Variants in DDX4 observed in about 807,000 individuals in gnomAD.
The protein encoded by DDX4 is probable ATP-dependent RNA helicase DDX4.
In DDX4, 25 loss-of-function variants were observed where a neutral mutation model predicts 100.0. The observed-to-expected ratio is 0.25, with a 90% CI of 0.18 to 0.35. DDX4 has a LOEUF of 0.35. Ranked by LOEUF, DDX4 falls within the 10% of genes least tolerant of loss-of-function variation. DDX4 has a pLI of 1.00. For synonymous variants in DDX4, 259 were observed against 275.7 expected, an observed-to-expected ratio of 0.94 and a Z score of 0.60; for missense variants, 635 against 882.4, an observed-to-expected ratio of 0.72 and a Z score of 3.55.
At chr5:55,765,413 A>AAAAAAAAAAATATATATAT (rs1392558099) in intron 6 of DDX4, among the ~76,000 whole-genome samples, 1 of 83,042 alleles carries the variant, frequency 1.2e-5, no homozygotes, top group African/African-American at 5.8e-5. Flanking sequence ...AAAAAAAAAA[A>AAAAAAAAAAATATATATAT]ATATATATAT....
rs62361893 is a variant in DDX4 at position 55,768,215 on chromosome 5, A to G, written c.394+275A>G. On this transcript the variant is annotated intron_variant, in intron 7 of 21. Coordinates refer to ENST00000505374, the MANE Select transcript of DDX4 (RefSeq NM_024415.3). ...CATGCCATGGGGTTTTGGTGTACAG[A>G]TTATTTTGTCACCCAGATAATAAGC... 69,282 of 392,522 alleles carry G rather than the reference A, an allele frequency of 0.18. 6,893 individuals carry two copies. The highest frequency in any genetic ancestry group is 0.31 in the Admixed American group (8,400 of 27,296). The allele number at this position is 392,522 out of a possible 1,614,324, so 24.3% of individuals were successfully genotyped here. A position where few individuals can be genotyped will look rare whatever the true frequency, so the allele number is the denominator to read the frequency against.
chr5:55,763,202 A>G lies in DDX4; in HGVS notation c.233A>G (p.Asn78Ser). 1 of 1,612,542 alleles carries G rather than the reference A, an allele frequency of 6.2e-7. No homozygotes were observed. Among genetic ancestry groups the G allele is most frequent in the Non-Finnish European group, 8.5e-7 (1 of 1,178,806 alleles). The change falls in exon 5 of 22, where the codon AAT becomes AGT. Residue 78 changes from asparagine to serine, a missense_variant. Physicochemically the swap from Asn to Ser is conservative, Grantham distance 46. Around this residue, in one of 4 missense-constraint regions of DDX4, gnomAD observed 446 missense variants for 540.8 expected, o/e 0.82. Coordinates refer to ENST00000505374, the MANE Select transcript of DDX4 (RefSeq NM_024415.3). ...GCTGGTGAGTGTAATAAGCGAGATA[A>G]TACATCCACAATGGGTGGTTTTGGA... is the stretch of plus-strand genomic sequence containing the variant. ...RDAGECNKRD[N>S]TSTMGGFGVG...
At chr5:55,789,791 A>AGGCC (rs1742445708) in intron 15 of DDX4, among the ~76,000 whole-genome samples, 1 of 152,194 alleles carries the variant, frequency 6.6e-6, no homozygotes, top group Admixed American at 6.5e-5. Flanking sequence ...CACACTCATG[A>AGGCC]GGCCAGCCTT....
At chr5:55,795,736 C>G (rs1381496192) in intron 17 of DDX4, among the ~76,000 whole-genome samples, 1 of 152,162 alleles carries the variant, frequency 6.6e-6, no homozygotes, top group African/African-American at 2.4e-5. Flanking sequence ...TTGTGTGCCC[C>G]TGTACTCTGG....
chr5:55,813,926 G>A (rs928419145), intron 19 of DDX4, among the ~76,000 whole-genome samples, 154 bp downstream of exon 19: 1 of 152,056 alleles, frequency 6.6e-6, no homozygotes, highest in Non-Finnish European at 1.5e-5. Context: ...TGAGGAAAAG[G>A]ATAATACCCA....
At chr5:55,745,375 T>C (rs984195804) in intron 2 of DDX4, among the ~76,000 whole-genome samples, 3 of 152,216 alleles carry the variant, frequency 2.0e-5, no homozygotes, top group Admixed American at 1.3e-4. Context: ...AGTGTTGATT[T>C]ATTCATGTAT....
intron 10 of DDX4, among the ~76,000 whole-genome samples, chr5:55,782,986 G>T (rs1455552299): frequency 6.6e-6 from 1 of 151,474 alleles, no homozygotes; most frequent in Admixed American, 6.6e-5. Context: ...GTAGAGATGG[G>T]GTTTCACCTT....
intron 18 of DDX4, among the ~76,000 whole-genome samples, chr5:55,812,467 G>A (rs1005267293): frequency 3.3e-5 from 5 of 152,196 alleles, no homozygotes; most frequent in Non-Finnish European, 5.9e-5. Flanking sequence ...AGGAGGCTGA[G>A]GCAGGAGAAT....
rs553582967 is a variant in DDX4 at position 55,769,678 on chromosome 5, T to C, written c.394+1738T>C. Among the ~76,000 whole-genome samples, 41 of 152,152 alleles carry C rather than the reference T, an allele frequency of 2.7e-4. 1 individual carries two copies. Among genetic ancestry groups the C allele is most frequent in the African/African-American group, 9.6e-4 (40 of 41,524 alleles). ...GAAAAAAACAATTTTAAAATTCATA[T>C]GGAACCAAAAAAGAGCATGAATAGG... On this transcript the variant is annotated intron_variant, in intron 7 of 21. Coordinates refer to ENST00000505374, the MANE Select transcript of DDX4 (RefSeq NM_024415.3).
chr5:55,747,170 C>G lies in DDX4; in HGVS notation c.127+949C>G, dbSNP rs180741481. Among the ~76,000 whole-genome samples the G allele has an allele frequency of 2.2e-3, 330 of 152,228 alleles. 1 individual carries two copies. The highest frequency in any genetic ancestry group is 6.0e-3 in the African/African-American group (249 of 41,538). On this transcript the variant is annotated intron_variant, in intron 3 of 21. Coordinates refer to ENST00000505374, the MANE Select transcript of DDX4 (RefSeq NM_024415.3). ...GGCTGAGGCAGGTGAATCACAAGGT[C>G]AAGAGATTGAGACCATCCTGACCAA...
chr5:55,811,490 T>C (rs139592840), intron 18 of DDX4, among the ~76,000 whole-genome samples: 7 of 152,242 alleles, frequency 4.6e-5, no homozygotes, highest in African/African-American at 1.4e-4. Flanking sequence ...ATGGTAAATA[T>C]CAAAACACAC....
chr5:55,792,836 A>G, intron 17 of DDX4, 29 bp downstream of exon 17: 1 of 1,209,144 alleles, frequency 8.3e-7, no homozygotes, highest in Non-Finnish European at 1.1e-6. Flanking sequence ...AAATAATTTA[A>G]TTATATATAT....
At chr5:55,807,193 C>G (rs561894453) in intron 18 of DDX4, among the ~76,000 whole-genome samples, 5 of 152,262 alleles carry the variant, frequency 3.3e-5, no homozygotes, top group African/African-American at 1.2e-4. Context: ...TCCTCCATCC[C>G]TTTATTTTGA....
chr5:55,782,164 C>T (rs775550064), intron 10 of DDX4, 183 bp downstream of exon 10: 2 of 611,846 alleles, frequency 3.3e-6, no homozygotes, highest in African/African-American at 1.8e-5. Context: ...TCCTTAATAC[C>T]CTCCAGGTTA....
intron 7 of DDX4, among the ~76,000 whole-genome samples, chr5:55,779,594 ATATTC>A (rs1461625414): frequency 7.9e-5 from 12 of 152,196 alleles, no homozygotes; most frequent in African/African-American, 2.9e-4. Flanking sequence ...GATGTTTACT[ATATTC>A]TATATGGAGC....
At chr5:55,748,588 C>T (rs919527390) in intron 3 of DDX4, among the ~76,000 whole-genome samples, 5 of 151,910 alleles carry the variant, frequency 3.3e-5, no homozygotes, top group African/African-American at 1.2e-4. Flanking sequence ...TATTGATTGC[C>T]TGCTTACCTT....
At position 55,796,823 on chromosome 5, in the gene DDX4, C is replaced by CTTTTTTTTTTTTTTTTTTTTTT. The variant is rs3990072; in HGVS notation, c.1470-1590_1470-1569dup. 2.3e-3 allele frequency among the ~76,000 whole-genome samples: 135 copies of CTTTTTTTTTTTTTTTTTTTTTT among 59,946 alleles called. 21 individuals carry two copies. The highest frequency in any genetic ancestry group is 3.0e-3 in the Non-Finnish European group (92 of 30,916). The allele number at this position is 59,946 out of a possible 152,430, so 39.3% of individuals were successfully genotyped here. A position where few individuals can be genotyped will look rare whatever the true frequency, so the allele number is the denominator to read the frequency against. ...TTTTCTTTTCTTTTTTTCTTTCTTT[C>CTTTTTTTTTTTTTTTTTTTTTT]TTTTTTTTTTTTTTTTTTTTTTTTT... On this transcript the variant is annotated intron_variant, in intron 17 of 21. Coordinates refer to ENST00000505374, the MANE Select transcript of DDX4 (RefSeq NM_024415.3).
At chr5:55,806,283 T>G (rs1325506133) in intron 18 of DDX4, among the ~76,000 whole-genome samples, 1 of 152,200 alleles carries the variant, frequency 6.6e-6, no homozygotes, top group African/African-American at 2.4e-5. Context: ...AGCTCCTGGA[T>G]TCATTGATTT....
chr5:55,780,248 T>C (rs1040060788), intron 8 of DDX4, among the ~76,000 whole-genome samples, 183 bp downstream of exon 8: 2 of 152,218 alleles, frequency 1.3e-5, no homozygotes, highest in African/African-American at 4.8e-5. Context: ...GATTGCATAT[T>C]GGTTAAGTTA....
Sources: allele counts gnomAD v4.1 joint callset (sites outside exome capture counted in the v4.1 genomes callset), GRCh38; gene constraint gnomAD v4.1.1; regional missense constraint gnomAD v4.1.1; transcripts MANE v1.5; gene names NCBI Gene and HGNC (gene_info 2026-07-23, HGNC 2026-07-21).